DGKD: variants seen among roughly 807,000 people sequenced by gnomAD.
DGKD encodes the protein diacylglycerol kinase delta.
A neutral mutation model predicts 154.4 loss-of-function variants in DGKD; 68 were observed. That is an observed-to-expected ratio of 0.44 (90% CI 0.36 to 0.54). The LOEUF is 0.54. DGKD is among the 20% of genes least tolerant of loss of function. The pLI is 0.00. For synonymous variants in DGKD, 693 were observed against 638.0 expected (o/e 1.09, Z -1.30); for missense variants, 1,343 against 1,593.6 (o/e 0.84, Z 2.68).
chr2:233,450,159 C>T (rs1369057996), intron 16 of DGKD, 28 bp downstream of exon 16: 2 of 1,585,412 alleles, frequency 1.3e-6, no homozygotes, highest in Middle Eastern at 1.7e-4. Flanking sequence ...TCCCTCTGCG[C>T]ACCGTCGTGT....
At chr2:233,429,372 G>C in intron 3 of DGKD, 1 of 969,500 alleles carries the variant, frequency 1.0e-6, no homozygotes, top group African/African-American at 1.8e-5. Flanking sequence ...CTCACCCAGG[G>C]TGAACAGTTC....
At chr2:233,464,072 A>G in intron 26 of DGKD, 92 bp from the exon 27 acceptor site, 1 of 1,551,902 alleles carries the variant, frequency 6.4e-7, no homozygotes, top group Non-Finnish European at 8.8e-7. Context: ...AGAGCAGAGC[A>G]GAGCCCTGGA....
At chr2:233,439,794 T>C (rs1471158779) in intron 9 of DGKD, among the ~76,000 whole-genome samples, 2 of 152,252 alleles carry the variant, frequency 1.3e-5, no homozygotes, top group South Asian at 2.1e-4. Flanking sequence ...GTGGTCTCAC[T>C]GTGTTGTCCA....
intron 3 of DGKD, among the ~76,000 whole-genome samples, chr2:233,422,888 A>G (rs996179086): frequency 6.6e-6 from 1 of 152,188 alleles, no homozygotes; most frequent in South Asian, 2.1e-4. Flanking sequence ...TCCAAGCCGC[A>G]GAGATTTTCC....
intron 2 of DGKD, chr2:233,388,990 G>T (rs1703394027): frequency 6.6e-6 from 1 of 152,232 alleles, no homozygotes; most frequent in South Asian, 2.1e-4. Context: ...CAAATGATCT[G>T]CCTGCCTCTG....
At chr2:233,384,061 C>T (rs1050385147) in intron 1 of DGKD, among the ~76,000 whole-genome samples, 2 of 152,084 alleles carry the variant, frequency 1.3e-5, no homozygotes, top group Non-Finnish European at 2.9e-5. Flanking sequence ...ACAGTATGTA[C>T]AGTATGGATT....
rs555931381 is a variant in DGKD at position 233,455,197 on chromosome 2, C to T, written c.2375+324C>T. On this transcript the variant is annotated intron_variant, in intron 19 of 29. Coordinates refer to ENST00000264057, the MANE Select transcript of DGKD (RefSeq NM_152879.3). ...GCAGGTGTGCCAAGAAGCTATTGCA[C>T]CTATTGCGTAAGTGCCCAGCATTGT... is the stretch of plus-strand genomic sequence containing the variant. 6.6e-5 allele frequency among the ~76,000 whole-genome samples: 10 copies of T among 152,248 alleles called. 1 individual carries two copies. Among genetic ancestry groups the T allele is most frequent in the Admixed American group, 4.6e-4 (7 of 15,294 alleles).
chr2:233,440,622 C>T lies in DGKD; in HGVS notation c.1086-1265C>T, dbSNP rs1276832882. ...TTCTGGGCTGAGGGCACCGCTTGTG[C>T]AGAGGCGAGGCAAGAGGGAATGCAG... On this transcript the variant is annotated intron_variant, in intron 9 of 29. Coordinates refer to ENST00000264057, the MANE Select transcript of DGKD (RefSeq NM_152879.3). This position sits in a 1 kb window ranked among gnomAD's most constrained non-coding sequence, Gnocchi z 4.9. Among the ~76,000 whole-genome samples the T allele has an allele frequency of 6.6e-6, 1 of 152,112 alleles. No individual in the cohort carries two copies. Among genetic ancestry groups the T allele is most frequent in the Non-Finnish European group, 1.5e-5 (1 of 68,024 alleles).
At chr2:233,381,225 C>G (rs942813185) in intron 1 of DGKD, among the ~76,000 whole-genome samples, 1 of 152,180 alleles carries the variant, frequency 6.6e-6, no homozygotes. Context: ...CCACCTTGGG[C>G]GTGCACACTC....
chr2:233,355,189 C>A (rs946455880), intron 1 of DGKD, among the ~76,000 whole-genome samples: 12 of 152,136 alleles, frequency 7.9e-5, no homozygotes, highest in African/African-American at 2.9e-4. Flanking sequence ...GAGGGATCAC[C>A]CCTTCACCCC....
chr2:233,449,261 G>C lies in DGKD; in HGVS notation c.1773G>C (p.Leu591Phe). ...GSICGSTGDR[L>F]VASACPARPQ... is the part of the protein sequence containing the mutation. ...TCTGCGGTTCCACCGGAGACCGCTT[G>C]GTGGCATCAGCTTGCCCGGCCCGGC... The change falls in exon 15 of 30, where the codon TTG (leucine) becomes TTC (phenylalanine). Residue 591 changes from leucine (L) to phenylalanine (F), a missense_variant. Coordinates refer to ENST00000264057, the MANE Select transcript of DGKD (RefSeq NM_152879.3). The surrounding 1 kb of genome is among the most constrained non-coding windows in gnomAD (Gnocchi z 5.3). 1 of 1,613,606 alleles carries C rather than the reference G, an allele frequency of 6.2e-7. No homozygotes were observed. Among genetic ancestry groups the C allele is most frequent in the Non-Finnish European group, 8.5e-7 (1 of 1,179,810 alleles).
intron 3 of DGKD, among the ~76,000 whole-genome samples, chr2:233,398,563 G>A (rs1165331200): frequency 6.6e-6 from 1 of 152,112 alleles, no homozygotes; most frequent in Non-Finnish European, 1.5e-5. Context: ...ATTGACTTAG[G>A]ATTTCTCCCC....
chr2:233,429,028 A>T, intron 3 of DGKD: 1 of 721,780 alleles, frequency 1.4e-6, no homozygotes, highest in Non-Finnish European at 1.7e-6. Context: ...CACTGTCTTT[A>T]AACCTAATGC....
intron 27 of DGKD, among the ~76,000 whole-genome samples, chr2:233,465,621 A>G (rs2063801006): frequency 6.6e-6 from 1 of 152,182 alleles, no homozygotes; most frequent in Non-Finnish European, 1.5e-5. Flanking sequence ...CTTAAAGGTA[A>G]TTTCTAATAG....
At chr2:233,465,875 TACAG>T (rs1419375428) in intron 27 of DGKD, among the ~76,000 whole-genome samples, 1 of 150,994 alleles carries the variant, frequency 6.6e-6, no homozygotes, top group Admixed American at 6.6e-5. Context: ...AAATTTATGA[TACAG>T]AAAGATTAAT....
chr2:233,468,577 G>A, intron 29 of DGKD, 24 bp downstream of exon 29: 3 of 1,612,624 alleles, frequency 1.9e-6, no homozygotes, highest in Non-Finnish European at 2.5e-6. Flanking sequence ...CGTCTCCCTG[G>A]AACCTGCACT....
In DGKD at chr2:233,438,752, TATC is replaced by T. The variant is rs200767725; in HGVS notation, c.1085+377_1085+379del. On this transcript the variant is annotated intron_variant, in intron 9 of 29. Coordinates refer to ENST00000264057, the MANE Select transcript of DGKD (RefSeq NM_152879.3). The surrounding 1 kb of genome is among the most constrained non-coding windows in gnomAD (Gnocchi z 4.1). Reference sequence around the variant, plus strand: ...ATAATTTTTTATTTATCTGTCTATCTATCATCTATCTATCTATCTATCTATCTA... The same window carrying T: ...ATAATTTTTTATTTATCTGTCTATCTATCTATCTATCTATCTATCTATCTA... Among the ~76,000 whole-genome samples the T allele has an allele frequency of 4.2e-3, 349 of 83,396 alleles. 3 individuals are homozygous for T. Among genetic ancestry groups the T allele is most frequent in the African/African-American group, 0.017 (301 of 17,776 alleles). The allele number at this position is 83,396 out of a possible 152,430, so 54.7% of individuals were successfully genotyped here.
Position 233,358,461 on chromosome 2 carries a change from A to T in DGKD, c.156+3787A>T, listed in dbSNP as rs543219676. Among the ~76,000 whole-genome samples the T allele has an allele frequency of 4.6e-5, 7 of 152,374 alleles. No homozygotes were observed. The South Asian group carries it at 1.5e-3, about 32-fold the overall frequency. ...ACTTAAAAAAATGCACCGCAGTTTT[A>T]TGAGATATAATTCACATGGGATACA... On this transcript the variant is annotated intron_variant, in intron 1 of 29. Transcript: ENST00000264057.
chr2:233,466,355 T>C (rs2063822551), intron 27 of DGKD, among the ~76,000 whole-genome samples: 1 of 152,152 alleles, frequency 6.6e-6, no homozygotes, highest in South Asian at 2.1e-4. Context: ...TTTGAGGCTA[T>C]GTTATTGGGT....
Sources: allele counts gnomAD v4.1 joint callset (sites outside exome capture counted in the v4.1 genomes callset), GRCh38; gene constraint gnomAD v4.1.1; non-coding constraint Gnocchi (gnomAD v3.1); transcripts MANE v1.5; gene names NCBI Gene and HGNC (gene_info 2026-07-23, HGNC 2026-07-21).